Variants in EMILIN2 observed in about 807,000 individuals in gnomAD.
The protein encoded by EMILIN2 is elastin microfibril interfacer 2, also known as EMILIN-2.
EMILIN2 carries 71 observed loss-of-function variants against 87.1 expected under a neutral mutation model. That is an observed-to-expected ratio of 0.82 (90% CI 0.67 to 0.99). The LOEUF (loss-of-function observed/expected upper bound fraction) is 0.99. EMILIN2 is among the 50% of genes least tolerant of loss of function. The pLI is 0.00. For missense variants in EMILIN2, 1,407 were observed against 1,371.8 expected (o/e 1.03, Z -0.40); for synonymous variants, 581 against 563.4 (o/e 1.03, Z -0.44).
chr18:2,910,004 C>T (rs994004260), intron 7 of EMILIN2, among the ~76,000 whole-genome samples, 185 bp downstream of exon 7: 3 of 152,230 alleles, frequency 2.0e-5, no homozygotes, highest in African/African-American at 7.2e-5. Context: ...TAGAACGTGT[C>T]CCAGCTCGAG....
At chr18:2,857,954 C>T (rs1350495237) in intron 2 of EMILIN2, among the ~76,000 whole-genome samples, 1 of 152,182 alleles carries the variant, frequency 6.6e-6, no homozygotes, top group Non-Finnish European at 1.5e-5. Flanking sequence ...ATTTGCGAGT[C>T]ATTCTGTTGC....
intron 4 of EMILIN2, 183 bp from the exon 5 acceptor site, chr18:2,906,600 C>T: frequency 2.2e-6 from 1 of 445,902 alleles, no homozygotes; most frequent in Non-Finnish European, 3.6e-6. Context: ...TCCGGGTGGC[C>T]CGCGGCGTCC....
rs2076581929 is a variant in EMILIN2, at chr18:2,847,646, C to T, written c.135-163C>T. ...CAGGCGCGCGCTCTCCAGAGGCGCACCCGGGCACCCTCCGGCGTCTGCTCG... is the reference window on the plus strand; with the variant it reads ...CAGGCGCGCGCTCTCCAGAGGCGCATCCGGGCACCCTCCGGCGTCTGCTCG... On this transcript the variant is annotated intron_variant, in intron 1 of 7. Transcript: ENST00000254528. The surrounding 1 kb of genome is among the most constrained non-coding windows in gnomAD (Gnocchi z 4.5). 6.6e-6 allele frequency among the ~76,000 whole-genome samples: 1 copy of T among 152,222 alleles called. No individual in the cohort carries two copies. The highest frequency in any genetic ancestry group is 2.4e-5 in the African/African-American group (1 of 41,456).
chr18:2,881,657 A>C (rs1431608430), intron 2 of EMILIN2, among the ~76,000 whole-genome samples: 1 of 152,202 alleles, frequency 6.6e-6, no homozygotes, highest in Non-Finnish European at 1.5e-5. Flanking sequence ...AGACAGCTTC[A>C]TGCAGGCCTG....
chr18:2,855,047 G>A (rs1157229043), intron 2 of EMILIN2, among the ~76,000 whole-genome samples: 1 of 152,232 alleles, frequency 6.6e-6, no homozygotes, highest in Non-Finnish European at 1.5e-5. Context: ...AGTCAGCTGA[G>A]GAAGACTGAG....
At chr18:2,876,477 G>T (rs552659643) in intron 2 of EMILIN2, among the ~76,000 whole-genome samples, 1 of 151,618 alleles carries the variant, frequency 6.6e-6, no homozygotes, top group Non-Finnish European at 1.5e-5. Context: ...TTAAAAATAC[G>T]TACAAAGCAC....
Position 2,849,999 on chromosome 18 carries a change from T to C in EMILIN2, c.257+2068T>C, listed in dbSNP as rs1419037196. 3.3e-5 allele frequency among the ~76,000 whole-genome samples: 5 copies of C among 152,180 alleles called. No individual in the cohort carries two copies. In the South Asian group the frequency reaches 1.0e-3, roughly 32 times the overall value. On this transcript the variant is annotated intron_variant, in intron 2 of 7. Transcript: ENST00000254528. ...TGGGGTGCAGTGGCGTGATCTTGGC[T>C]CACTGCAACAACTGCCTCCTGGGTT...
intron 2 of EMILIN2, among the ~76,000 whole-genome samples, chr18:2,853,459 C>A (rs193065602): frequency 6.6e-6 from 1 of 151,928 alleles, no homozygotes; most frequent in East Asian, 1.9e-4. Context: ...GACATGGAAT[C>A]GGAGTGACTT....
rs148315525 is a variant in EMILIN2 at position 2,853,763 on chromosome 18, T to C, written c.257+5832T>C. ...CAATCCACAGCCGGGCTGAGCACCC[T>C]GAGGGTGCATGTGTGATGCCTACCG... On this transcript the variant is annotated intron_variant, in intron 2 of 7. Transcript: ENST00000254528. Among the ~76,000 whole-genome samples the C allele has an allele frequency of 7.5e-3, 1,146 of 152,318 alleles. 14 individuals are homozygous for C. Among genetic ancestry groups the C allele is most frequent in the African/African-American group, 0.026 (1,072 of 41,586 alleles).
In EMILIN2 at chr18:2,913,426, G is replaced by A. The variant is rs768100233; in HGVS notation, c.*22G>A. 1 of 1,531,278 alleles carries A rather than the reference G, an allele frequency of 6.5e-7. No individual in the cohort carries two copies. Among genetic ancestry groups the A allele is most frequent in the South Asian group, 1.2e-5 (1 of 80,066 alleles). 94.9% of individuals were successfully genotyped at this position (1,531,278 alleles called of 1,614,324 possible). A position where few individuals can be genotyped will look rare whatever the true frequency, so the allele number is the denominator to read the frequency against. ...CTAAGGTGGCTGGGGAGATGTCAGG[G>A]GAAAGATAGATAGTTGTAAAAACTC... On this transcript the variant is annotated 3_prime_UTR_variant, in exon 8 of 8. Transcript: ENST00000254528.
In EMILIN2 at chr18:2,891,525, A is replaced by C. The variant is rs750425415; in HGVS notation, c.1398A>C (p.Glu466Asp). The change falls in exon 4 of 8, where the codon GAA becomes GAC. Residue 466 changes from glutamate (E) to aspartate (D), a missense_variant. Physicochemically the swap from Glu to Asp is conservative, Grantham distance 45. Transcript: ENST00000254528. The surrounding 1 kb of genome is among the most constrained non-coding windows in gnomAD (Gnocchi z 4.6). ...RINVTEKNAE[E>D]HCFYIEETLR... ...ATGTGACGGAGAAGAACGCTGAAGA[A>C]CATTGCTTTTACATTGAGGAAACCC... 2 of 1,614,232 alleles carry C rather than the reference A, an allele frequency of 1.2e-6. No homozygotes were observed. Among genetic ancestry groups the C allele is most frequent in the Admixed American group, 3.3e-5 (2 of 60,030 alleles).
chr18:2,909,057 C>T (rs963231528), intron 6 of EMILIN2, 82 bp downstream of exon 6: 1 of 1,524,772 alleles, frequency 6.6e-7, no homozygotes, highest in Non-Finnish European at 9.1e-7. Context: ...CTGCCTCCTC[C>T]CTCCAGGCTA....
intron 3 of EMILIN2, among the ~76,000 whole-genome samples, chr18:2,889,819 C>G (rs896733099): frequency 5.3e-5 from 8 of 151,866 alleles, no homozygotes; most frequent in Admixed American, 1.3e-4. Flanking sequence ...CACACCACCT[C>G]CCTGACCAGC....
chr18:2,878,956 T>G lies in EMILIN2; in HGVS notation c.258-6008T>G, dbSNP rs2076763316. 2.0e-5 allele frequency among the ~76,000 whole-genome samples: 3 copies of G among 152,098 alleles called. No homozygotes were observed. In the South Asian group the frequency reaches 6.2e-4, roughly 32 times the overall value. ...CAACGGGTTTTGGTTCTGTGCAGTT[T>G]TAGTAGCCTGTGTCAAAATAAAACC... On this transcript the variant is annotated intron_variant, in intron 2 of 7. Transcript: ENST00000254528.
chr18:2,908,830 T>C (rs933676384), intron 5 of EMILIN2, 113 bp from the exon 6 acceptor site: 21 of 1,240,422 alleles, frequency 1.7e-5, no homozygotes, highest in Middle Eastern at 2.1e-4. Flanking sequence ...TCTGTTTCTA[T>C]AGTAGTGAAG....
intron 4 of EMILIN2, among the ~76,000 whole-genome samples, chr18:2,897,967 C>A (rs2076871291): frequency 6.6e-6 from 1 of 151,756 alleles, no homozygotes; most frequent in Non-Finnish European, 1.5e-5. Context: ...CACTTATGAA[C>A]AAATTAGGTT....
intron 2 of EMILIN2, among the ~76,000 whole-genome samples, chr18:2,853,866 C>T (rs2143952351): frequency 6.6e-6 from 1 of 152,350 alleles, no homozygotes; most frequent in South Asian, 2.1e-4. Flanking sequence ...TTACAGCCTC[C>T]AATACCCATT....
intron 4 of EMILIN2, among the ~76,000 whole-genome samples, chr18:2,904,751 C>T (rs1010450839): frequency 3.9e-5 from 6 of 152,126 alleles, no homozygotes; most frequent in African/African-American, 1.4e-4. Context: ...TGGTCCCTGT[C>T]GTTCACACAG....
At chr18:2,863,786 T>C (rs1412250490) in intron 2 of EMILIN2, among the ~76,000 whole-genome samples, 1 of 152,164 alleles carries the variant, frequency 6.6e-6, no homozygotes, top group African/African-American at 2.4e-5. Flanking sequence ...CTTAACTTTC[T>C]GTCTCGTTGA....
Sources: gnomAD v4.1 joint callset for allele counts (sites outside exome capture counted in the v4.1 genomes callset) on GRCh38, gnomAD v4.1.1 for gene constraint, Gnocchi (gnomAD v3.1) non-coding constraint, MANE v1.5 for transcripts, NCBI Gene and HGNC (gene_info 2026-07-23, HGNC 2026-07-21) for gene names.